ADD1: variants seen among roughly 807,000 people sequenced by gnomAD.
ADD1 encodes alpha-adducin.
A neutral mutation model predicts 80.5 loss-of-function variants in ADD1; 24 were observed. That is an observed-to-expected ratio of 0.30 (90% CI 0.22 to 0.42). ADD1 has a LOEUF of 0.42. ADD1 is among the 10% of genes least tolerant of loss of function. ADD1 has a pLI of 1.00. For synonymous variants in ADD1, 373 were observed against 393.8 expected, an observed-to-expected ratio of 0.95 and a Z score of 0.63; for missense variants, 948 against 1,019.0, an observed-to-expected ratio of 0.93 and a Z score of 0.95.
intron 9 of ADD1, among the ~76,000 whole-genome samples, chr4:2,903,707 G>T (rs1247849605): frequency 1.3e-5 from 2 of 152,248 alleles, no homozygotes; most frequent in African/African-American, 4.8e-5. Context: ...TCTCACCTGT[G>T]CTCAAGGTGG....
chr4:2,914,241 T>C (rs1241587952), intron 13 of ADD1, among the ~76,000 whole-genome samples: 1 of 152,324 alleles, frequency 6.6e-6, no homozygotes, highest in East Asian at 1.9e-4. Flanking sequence ...GCTTTAAGAT[T>C]GGTGTGGTCT....
At chr4:2,850,711 C>T (rs2096760) in intron 1 of ADD1, among the ~76,000 whole-genome samples, 34,532 of 151,778 alleles carry the variant, frequency 0.23, 4,419 homozygotes, top group Non-Finnish European at 0.28. Context: ...AGGCGTGAGC[C>T]ACCGCGCCTG....
Position 2,843,943 on chromosome 4 carries a change from G to A in ADD1, c.-102G>A, listed in dbSNP as rs866756338. On this transcript the variant is annotated 5_prime_UTR_variant, in exon 1 of 16. Coordinates refer to ENST00000683351, the MANE Select transcript of ADD1 (RefSeq NM_001354761.2). The stretch of plus-strand genomic sequence containing the variant: ...CGCTGCTGCGGGCCAGGGGACGGGG[G>A]CGGAGCCGGAGCCGGAGCCGACGGG... 16 of 153,612 alleles carry A rather than the reference G, an allele frequency of 1.0e-4. No individual in the cohort carries two copies. In the East Asian group the frequency reaches 1.5e-3, roughly 15 times the overall value. 9.5% of individuals were successfully genotyped at this position (153,612 alleles called of 1,614,324 possible). A position where few individuals can be genotyped will look rare whatever the true frequency, so the allele number is the denominator to read the frequency against.
chr4:2,899,153 A>C, intron 8 of ADD1, 106 bp from the exon 9 acceptor site: 1 of 1,117,338 alleles, frequency 8.9e-7, no homozygotes, highest in Non-Finnish European at 1.3e-6. Context: ...TTATTCTTAC[A>C]CTCTAGAGAT....
intron 1 of ADD1, among the ~76,000 whole-genome samples, chr4:2,852,230 C>CCTTTCTTTCCTTTCTTTCCTTTCTTT (rs1310935816): frequency 8.3e-6 from 1 of 120,262 alleles, no homozygotes; most frequent in Non-Finnish European, 1.8e-5. Flanking sequence ...TCCTTTCTTT[C>CCTTTCTTTCCTTTCTTTCCTTTCTTT]CTTTCTTTCT....
intron 3 of ADD1, among the ~76,000 whole-genome samples, chr4:2,883,722 A>G (rs1413483161): frequency 1.3e-5 from 2 of 151,332 alleles, no homozygotes; most frequent in Non-Finnish European, 2.9e-5. Context: ...CCTGGGCTGC[A>G]GTGCAGTGGC....
chr4:2,920,870 C>T (rs1313153999), intron 14 of ADD1, among the ~76,000 whole-genome samples: 2 of 152,098 alleles, frequency 1.3e-5, no homozygotes, highest in East Asian at 3.8e-4. Flanking sequence ...GAATTTGATC[C>T]TGTCATTATG....
chr4:2,919,804 A>AT (rs550647160), intron 14 of ADD1, among the ~76,000 whole-genome samples: 2,573 of 149,986 alleles, frequency 0.017, 65 homozygotes, highest in African/African-American at 0.059. Context: ...GGATTCATTG[A>AT]TTTTTTTTTG....
At chr4:2,863,721 T>TTTTTGTTTTG (rs1553820530) in intron 1 of ADD1, among the ~76,000 whole-genome samples, 1 of 151,940 alleles carries the variant, frequency 6.6e-6, no homozygotes, top group Non-Finnish European at 1.5e-5. Context: ...ACCTTGTTTT[T>TTTTTGTTTTG]TTTTGTTTTG....
intron 13 of ADD1, among the ~76,000 whole-genome samples, chr4:2,912,350 G>C (rs1453150949): frequency 6.6e-6 from 1 of 152,110 alleles, no homozygotes; most frequent in Non-Finnish European, 1.5e-5. Context: ...AACTGGTCTT[G>C]ACAGCAGCTT....
intron 1 of ADD1, among the ~76,000 whole-genome samples, chr4:2,849,236 A>G (rs1348238528): frequency 2.0e-5 from 3 of 152,248 alleles, no homozygotes; most frequent in East Asian, 3.8e-4. Context: ...TCAGCAAATG[A>G]CTTATATTAT....
At chr4:2,901,934 T>G (rs949584312) in intron 9 of ADD1, 1 of 151,546 alleles carries the variant, frequency 6.6e-6, no homozygotes, top group Non-Finnish European at 1.5e-5. Context: ...CTTTTTTTTT[T>G]TGGAGAGACA....
Position 2,904,935 on chromosome 4 carries a change from A to T in ADD1, c.1333A>T (p.Thr445Ser). The T allele has an allele frequency of 6.2e-7, 1 of 1,614,190 alleles. No individual in the cohort carries two copies. Among genetic ancestry groups the T allele is most frequent in the Non-Finnish European group, 8.5e-7 (1 of 1,180,038 alleles). Reference protein sequence around the residue: ...HSFQKQQREKTRWLNSGRGDE... With the variant: ...HSFQKQQREKSRWLNSGRGDE... ...TTTTCAGAAGCAGCAGCGGGAGAAGACAAGATGGCTGAACTCTGGCCGGGG... is the reference window on the plus strand; with the variant it reads ...TTTTCAGAAGCAGCAGCGGGAGAAGTCAAGATGGCTGAACTCTGGCCGGGG... The change falls in exon 10 of 16, where the codon ACA becomes TCA. Residue 445 changes from threonine to serine, a missense_variant. Coordinates refer to ENST00000683351, the MANE Select transcript of ADD1 (RefSeq NM_001354761.2).
chr4:2,874,812 C>G (rs1294855937), intron 1 of ADD1, among the ~76,000 whole-genome samples: 1 of 152,106 alleles, frequency 6.6e-6, no homozygotes, highest in South Asian at 2.1e-4. Context: ...AAGTGCGGTT[C>G]AAGTTCAGCA....
chr4:2,879,067 C>G (rs893637240), intron 2 of ADD1, among the ~76,000 whole-genome samples: 1 of 152,048 alleles, frequency 6.6e-6, no homozygotes, highest in African/African-American at 2.4e-5. Flanking sequence ...ATGACAGGGT[C>G]TTTGGAGGAG....
chr4:2,880,219 G>T (rs1469646914), intron 2 of ADD1, among the ~76,000 whole-genome samples: 1 of 152,034 alleles, frequency 6.6e-6, no homozygotes, highest in East Asian at 1.9e-4. Context: ...TAAATAGGGG[G>T]TCCTCAGAGG....
intron 8 of ADD1, 131 bp from the exon 9 acceptor site, chr4:2,899,128 T>G: frequency 1.1e-6 from 1 of 908,736 alleles, no homozygotes; most frequent in Non-Finnish European, 1.7e-6. Flanking sequence ...TCTGTCACTA[T>G]CCATTCTACA....
At chr4:2,928,031 A>G (rs746945573) in intron 15 of ADD1, 140 bp from the exon 16 acceptor site, 9 of 766,768 alleles carry the variant, frequency 1.2e-5, no homozygotes, top group East Asian at 2.5e-5. Flanking sequence ...AGAGTAGACC[A>G]TATTTTAAGT....
At chr4:2,878,673 C>T (rs1417246823) in intron 2 of ADD1, among the ~76,000 whole-genome samples, 1 of 152,052 alleles carries the variant, frequency 6.6e-6, no homozygotes, top group Non-Finnish European at 1.5e-5. Context: ...ACCTGTAGTC[C>T]CAGTGCTTTG....
Sources: allele counts gnomAD v4.1 joint callset (sites outside exome capture counted in the v4.1 genomes callset), GRCh38; gene constraint gnomAD v4.1.1; transcripts MANE v1.5; gene names NCBI Gene and HGNC (gene_info 2026-07-23, HGNC 2026-07-21).